The following PDXDC1 variants were observed in gnomAD, a reference collection of about 807,000 sequenced individuals.
The protein encoded by PDXDC1 is pyridoxal-dependent decarboxylase domain-containing protein 1.
Under a neutral mutation model 100.1 loss-of-function variants are expected in PDXDC1, and 42 were observed. The observed-to-expected ratio is 0.42, with a 90% CI of 0.33 to 0.54. The LOEUF is 0.54. Among genes scored for constraint, PDXDC1 ranks in the 20% least tolerant of loss-of-function variants. PDXDC1 has a pLI of 0.10. For missense variants in PDXDC1, 636 were observed against 979.2 expected (o/e 0.65, Z 4.68); for synonymous variants, 260 against 371.7 (o/e 0.70, Z 3.46).
In PDXDC1 at chr16:15,038,221, A is replaced by C. The variant is rs754318040; in HGVS notation, c.*1946A>C. ...CGAAGTGGAAAGATTCTGAAAACAC[A>C]AGATGGTGGGCATTAGAGAAGCCAA... On this transcript the variant is annotated 3_prime_UTR_variant, in exon 23 of 23. Coordinates refer to ENST00000396410, the MANE Select transcript of PDXDC1 (RefSeq NM_015027.4). 3.7e-6 allele frequency: 6 copies of C among 1,609,644 alleles called. No individual in the cohort carries two copies. The African/African-American group carries it at 8.0e-5, about 22-fold the overall frequency.
chr16:15,052,573 G>A (rs753373559), intron 16 of PDXDC1, among the ~76,000 whole-genome samples: 5 of 152,194 alleles, frequency 3.3e-5, no homozygotes, highest in Admixed American at 6.5e-5. Context: ...ACTGGCTCAC[G>A]CCTGTAATCC....
downstream of PDXDC1, among the ~76,000 whole-genome samples, chr16:15,142,091 C>G (rs1418189416): frequency 6.6e-6 from 1 of 152,156 alleles, no homozygotes; most frequent in Non-Finnish European, 1.5e-5. Context: ...GCAGCTCCCA[C>G]CCAGGCCACG....
intron 16 of PDXDC1, among the ~76,000 whole-genome samples, chr16:15,101,314 T>C (rs1243145699): frequency 6.6e-6 from 1 of 151,634 alleles, no homozygotes; most frequent in Non-Finnish European, 1.5e-5. Context: ...ACGGTCTTTT[T>C]TGTTTGTTTG....
At chr16:15,091,996 G>C (rs1340436712) in intron 16 of PDXDC1, among the ~76,000 whole-genome samples, 1 of 152,112 alleles carries the variant, frequency 6.6e-6, no homozygotes, top group Non-Finnish European at 1.5e-5. Context: ...GGCCAACATG[G>C]TGAAACCCTG....
intron 16 of PDXDC1, among the ~76,000 whole-genome samples, chr16:15,058,412 CA>C (rs1264298303): frequency 1.3e-5 from 2 of 152,142 alleles, no homozygotes; most frequent in Non-Finnish European, 2.9e-5. Context: ...AGAATATATA[CA>C]GGGAAATATT....
the PDXDC1 span, among the ~76,000 whole-genome samples, chr16:15,148,369 G>GGT: frequency 1.2e-5 from 1 of 82,348 alleles, no homozygotes; most frequent in African/African-American, 5.0e-5. Flanking sequence ...CAGATCCTGT[G>GGT]ATTTTTTTTT....
At chr16:15,062,317 G>A (rs1567181728) in intron 16 of PDXDC1, among the ~76,000 whole-genome samples, 2 of 152,172 alleles carry the variant, frequency 1.3e-5, no homozygotes, top group African/African-American at 4.8e-5. Flanking sequence ...CTTGCCCAGT[G>A]TTAGGAACTC....
intron 16 of PDXDC1, among the ~76,000 whole-genome samples, chr16:15,099,869 T>C (rs142223678): frequency 0.014 from 2,113 of 152,274 alleles, 89 homozygotes; most frequent in Admixed American, 0.086. Context: ...AGCCTTTCCT[T>C]AGAGATAAAT....
chr16:14,981,927 CA>C (rs1172909062), intron 1 of PDXDC1, among the ~76,000 whole-genome samples: 6 of 152,090 alleles, frequency 3.9e-5, no homozygotes, highest in African/African-American at 1.4e-4. Context: ...CCTCTGGGTT[CA>C]AGCAATTCTC....
At chr16:15,136,050 C>T (rs1026038203) in intron 16 of PDXDC1, 11 of 1,568,534 alleles carry the variant, frequency 7.0e-6, no homozygotes, top group Non-Finnish European at 9.5e-6. Flanking sequence ...GGCAGCTCTC[C>T]AGGCTGAAGG....
At chr16:15,139,929 C>CT (rs1322068635), downstream of PDXDC1, among the ~76,000 whole-genome samples, 1 of 151,888 alleles carries the variant, frequency 6.6e-6, no homozygotes, top group African/African-American at 2.4e-5. Context: ...AACCCCATCT[C>CT]TACTAAAAAT....
chr16:15,046,132 A>G (rs1330722126), intron 16 of PDXDC1: 1 of 152,282 alleles, frequency 6.6e-6, no homozygotes, highest in African/African-American at 2.4e-5. Context: ...TGATAGGAAA[A>G]TGAAAATACC....
downstream of PDXDC1, among the ~76,000 whole-genome samples, chr16:15,140,806 A>G (rs1259143640): frequency 2.0e-5 from 3 of 150,624 alleles, no homozygotes; most frequent in Admixed American, 2.0e-4. Flanking sequence ...GGTCCCACGC[A>G]CTCCCAGTAG....
In PDXDC1 at chr16:15,106,513, TGGGA is replaced by T. The variant is rs1317000542; in HGVS notation, c.1400-32362_1400-32359del. On this transcript the variant is annotated intron_variant, in intron 16 of 16. Coordinates refer to the PDXDC1 transcript ENST00000535621. ...GCTGATGCCTGTAATCCCAGCACTCTGGGAGGGCGAGGTGGATGGATCACGAGGT... is the reference window on the plus strand; with the variant it reads ...GCTGATGCCTGTAATCCCAGCACTCTGGGCGAGGTGGATGGATCACGAGGT... Among the ~76,000 whole-genome samples the T allele has an allele frequency of 2.7e-5, 4 of 150,028 alleles. No homozygotes were observed. The South Asian group carries it at 6.5e-4, about 24-fold the overall frequency.
chr16:15,101,276 G>C lies in PDXDC1; in HGVS notation c.1400-37603G>C, dbSNP rs530454576. 1.3e-3 allele frequency among the ~76,000 whole-genome samples: 199 copies of C among 152,310 alleles called. 1 individual carries two copies. The highest frequency in any genetic ancestry group is 4.6e-3 in the African/African-American group (190 of 41,570). ...ATGTGGTTACACTCAGGTGGAAACTGACCTATGAGGGAGATAGACAGATAG... is the reference window on the plus strand; with the variant it reads ...ATGTGGTTACACTCAGGTGGAAACTCACCTATGAGGGAGATAGACAGATAG... On this transcript the variant is annotated intron_variant, in intron 16 of 16. Coordinates refer to the PDXDC1 transcript ENST00000535621.
rs1447912047 is a variant in PDXDC1 at position 15,033,291 on chromosome 16, G to C, written c.1704G>C (p.Lys568Asn). 6.2e-7 allele frequency: 1 copy of C among 1,614,182 alleles called. No homozygotes were observed. The highest frequency in any genetic ancestry group is 8.5e-7 in the Non-Finnish European group (1 of 1,180,022). The change falls in exon 19 of 23, where the codon AAG becomes AAC. Residue 568 changes from lysine to asparagine, a missense_variant. Lys to Asn is a moderately conservative substitution (Grantham distance 94). This residue lies in a region of PDXDC1 where 452 missense variants were observed against 402.9 expected (regional missense o/e 1.12). Coordinates refer to ENST00000396410, the MANE Select transcript of PDXDC1 (RefSeq NM_015027.4). ...DLTFKIGPEYKSMKSCLYVGM... is the reference protein window; with the variant it reads ...DLTFKIGPEYNSMKSCLYVGM... ...TTACCTTTGCAGGCCCTGAGTATAA[G>C]AGCATGAAGAGCTGCCTTTATGTCG...
intron 16 of PDXDC1, among the ~76,000 whole-genome samples, chr16:15,124,064 C>T (rs1184209130): frequency 1.3e-5 from 2 of 152,204 alleles, no homozygotes; most frequent in African/African-American, 4.8e-5. Context: ...CATGACTGGC[C>T]TCTCAGGGAC....
chr16:15,015,799 A>G, intron 8 of PDXDC1: 1 of 465,868 alleles, frequency 2.1e-6, no homozygotes, highest in Non-Finnish European at 3.6e-6. Context: ...GTCTGATGTA[A>G]CACAAGTATA....
chr16:15,087,149 C>A (rs1020164550), intron 16 of PDXDC1, among the ~76,000 whole-genome samples: 4 of 151,878 alleles, frequency 2.6e-5, no homozygotes, highest in South Asian at 2.1e-4. Flanking sequence ...AGGAAAAAAA[C>A]CATTAAGAAA....
Sources: allele counts gnomAD v4.1 joint callset (sites outside exome capture counted in the v4.1 genomes callset), GRCh38; gene constraint gnomAD v4.1.1; regional missense constraint gnomAD v4.1.1; transcripts MANE v1.5; gene names NCBI Gene and HGNC (gene_info 2026-07-23, HGNC 2026-07-21).